Variants in POLE observed in about 807,000 individuals in gnomAD.
POLE encodes DNA polymerase epsilon catalytic subunit A.
POLE carries 188 observed loss-of-function variants against 279.2 expected under a neutral mutation model. The ratio of observed to expected loss-of-function variants is 0.67; its 90% confidence interval spans 0.60 to 0.76. The LOEUF (loss-of-function observed/expected upper bound fraction) is 0.76, where lower values mean the gene tolerates loss of function less well. Among genes scored for constraint, POLE ranks in the 30% least tolerant of loss-of-function variants. POLE has a pLI of 0.00. For synonymous variants in POLE, 1,214 were observed against 1,172.5 expected (o/e 1.04, Z -0.72); for missense variants, 2,703 against 3,016.7 (o/e 0.90, Z 2.44).
In POLE at chr12:132,668,681, T is replaced by A. The variant is rs771248462; in HGVS notation, c.1980A>T (p.Gly660=). 1.9e-6 allele frequency: 3 copies of A among 1,613,992 alleles called. No individual in the cohort carries two copies. Among genetic ancestry groups the A allele is most frequent in the Non-Finnish European group, 1.7e-6 (2 of 1,179,926 alleles). Residue 660 remains glycine, a synonymous_variant, in exon 18 of 49, where the codon GGA becomes GGT. Transcript: ENST00000320574. This position sits in a 1 kb window ranked among gnomAD's most constrained non-coding sequence, Gnocchi z 4.0. ...AGGCCATCTTCCGCTGGCAGTTTGC[T>A]CCAGGCTTATTGAAGTCACAGGCAG... ...TCAACDFNKP[G]ANCQRKMAWQ...
In POLE at chr12:132,639,339, C is replaced by T; in HGVS notation, c.5379-41G>A. The T allele has an allele frequency of 1.3e-6, 2 of 1,597,074 alleles. No homozygotes were observed. Among genetic ancestry groups the T allele is most frequent in the Non-Finnish European group, 1.7e-6 (2 of 1,167,060 alleles). On this transcript the variant is annotated intron_variant, in intron 39 of 48. Coordinates refer to ENST00000320574, the MANE Select transcript of POLE (RefSeq NM_006231.4). The surrounding 1 kb of genome is among the most constrained non-coding windows in gnomAD (Gnocchi z 4.7). ...CACGACACCCTCGTACCCTCAGCCT[C>T]CCACGCTGCTGCCACGCGGGACGCT... is the stretch of plus-strand genomic sequence containing the variant.
chr12:132,668,776 G>C lies in POLE; in HGVS notation c.1923+35C>G. On this transcript the variant is annotated intron_variant, in intron 17 of 48. Transcript: ENST00000320574. The surrounding 1 kb of genome is among the most constrained non-coding windows in gnomAD (Gnocchi z 4.0). ...GAAAGCACTTAGGGCTGGGCAGAGA[G>C]AGCTCCGACTCTGACACGGGAAGTA... The C allele has an allele frequency of 1.2e-6, 2 of 1,613,864 alleles. No homozygotes were observed. Among genetic ancestry groups the C allele is most frequent in the Non-Finnish European group, 8.5e-7 (1 of 1,179,710 alleles).
Position 132,672,264 on chromosome 12 carries a change from AGGGCGTG to A in POLE, c.1738_1744del (p.His580LeufsTer29), listed in dbSNP as rs2042945374. On this transcript the variant is annotated frameshift_variant, in exon 16 of 49. Coordinates refer to ENST00000320574, the MANE Select transcript of POLE (RefSeq NM_006231.4). LOFTEE classifies it high-confidence loss of function. Reference sequence around the variant, plus strand: ...CACAGGCACTTTCTCCTCTTCCTCAAGGGCGTGGCGCAAGGTCTTCTCAACCCGCTGC... The same window carrying A: ...CACAGGCACTTTCTCCTCTTCCTCAAGCGCAAGGTCTTCTCAACCCGCTGC... 6.2e-7 allele frequency: 1 copy of A among 1,614,168 alleles called. No individual in the cohort carries two copies. The highest frequency in any genetic ancestry group is 8.5e-7 in the Non-Finnish European group (1 of 1,180,028).
In POLE at chr12:132,677,429, A is replaced by G. The variant is rs774730133; in HGVS notation, c.735T>C (p.Asn245=). 3.7e-6 allele frequency: 6 copies of G among 1,614,030 alleles called. No homozygotes were observed. The highest frequency in any genetic ancestry group is 4.2e-6 in the Non-Finnish European group (5 of 1,179,882). ...GAAAAGCATTTCCTCGGTATCTGAC[A>G]TTGTACCAATGAGCCTGCAAAACAC... ...DLKIHVAHWY[N]VRYRGNAFPV... The change falls in exon 8 of 49, where the codon AAT becomes AAC. Residue 245 remains asparagine, a synonymous_variant. Transcript: ENST00000320574.
intron 45 of POLE, among the ~76,000 whole-genome samples, chr12:132,628,601 C>T (rs1420949580): frequency 6.6e-6 from 1 of 150,824 alleles, no homozygotes; most frequent in Admixed American, 6.6e-5. Context: ...CAAGACCGCA[C>T]CACTGTATTC....
chr12:132,642,752 A>T, intron 36 of POLE, 23 bp from the exon 37 acceptor site: 1 of 1,613,472 alleles, frequency 6.2e-7, no homozygotes, highest in Non-Finnish European at 8.5e-7. Context: ...AAAATGGAAG[A>T]AAAGACCTGG....
At chr12:132,676,328 A>G in intron 9 of POLE, 124 bp from the exon 10 acceptor site, 1 of 756,950 alleles carries the variant, frequency 1.3e-6, no homozygotes, top group South Asian at 1.5e-5. Context: ...GCAATGTGAA[A>G]GTGCTTTAAG....
intron 29 of POLE, among the ~76,000 whole-genome samples, chr12:132,653,638 T>C (rs2042471225): frequency 6.6e-6 from 1 of 152,240 alleles, no homozygotes; most frequent in African/African-American, 2.4e-5. Flanking sequence ...AATAAGTTGA[T>C]GTCTCCCTTT....
intron 39 of POLE, chr12:132,641,369 C>T (rs1041423138): frequency 8.0e-6 from 4 of 502,440 alleles, no homozygotes; most frequent in Non-Finnish European, 1.5e-5. Context: ...CCTTTGGTCA[C>T]ATCGAAAAGT....
chr12:132,625,961 TG>T, intron 46 of POLE, 155 bp downstream of exon 46: 2 of 1,076,124 alleles, frequency 1.9e-6, no homozygotes, highest in Non-Finnish European at 2.7e-6. Context: ...GAACATGGTG[TG>T]GGGAGGCCTG....
intron 29 of POLE, among the ~76,000 whole-genome samples, chr12:132,656,410 G>C (rs1351598486): frequency 1.3e-5 from 2 of 151,744 alleles, no homozygotes; most frequent in Non-Finnish European, 2.9e-5. Context: ...GCCCAGGGGA[G>C]TGCAGTGGCG....
At chr12:132,681,331 G>A (rs2136035455) in intron 1 of POLE, 52 bp from the exon 2 acceptor site, 1 of 1,572,798 alleles carries the variant, frequency 6.4e-7, no homozygotes, top group Middle Eastern at 1.7e-4. Flanking sequence ...ACCTGCTGCT[G>A]CTTCTTTTTT....
intron 8 of POLE, among the ~76,000 whole-genome samples, chr12:132,677,026 C>A (rs1194487572): frequency 6.6e-6 from 1 of 152,188 alleles, no homozygotes; most frequent in Non-Finnish European, 1.5e-5. Flanking sequence ...TTTCCCAACA[C>A]CACAAAGTCA....
At chr12:132,673,375 G>A (rs774436771) in intron 13 of POLE, 98 bp from the exon 14 acceptor site, 91 of 1,147,066 alleles carry the variant, frequency 7.9e-5, no homozygotes, top group Non-Finnish European at 1.1e-4. Context: ...CCAGCCTGCC[G>A]CACACACAGT....
chr12:132,656,434 C>T (rs140499901), intron 29 of POLE, among the ~76,000 whole-genome samples: 230 of 152,060 alleles, frequency 1.5e-3, no homozygotes, highest in African/African-American at 5.4e-3. Context: ...TCTCGGCTCA[C>T]TGCAAGCTCC....
intron 31 of POLE, 29 bp downstream of exon 31, chr12:132,649,277 C>T (rs760764807): frequency 1.9e-6 from 3 of 1,602,968 alleles, no homozygotes; most frequent in Non-Finnish European, 2.6e-6. Flanking sequence ...AGCAGAGCCA[C>T]TGCCCTCCCC....
At chr12:132,662,994 C>T (rs560206489) in intron 23 of POLE, among the ~76,000 whole-genome samples, 3 of 152,330 alleles carry the variant, frequency 2.0e-5, no homozygotes, top group South Asian at 2.1e-4. Flanking sequence ...AACAGACAAT[C>T]GCCAGAGAAA....
chr12:132,649,030 G>T lies in POLE; in HGVS notation c.4048C>A (p.Leu1350Ile). 1.2e-6 allele frequency: 2 copies of T among 1,613,710 alleles called. No individual in the cohort carries two copies. The highest frequency in any genetic ancestry group is 1.7e-6 in the Non-Finnish European group (2 of 1,179,996). The part of the protein sequence containing the change: ...SQAGLFRLWA[L>I]VGSDLHCIRL... ...ATGCAGTGCAAGTCACTGCCAACGA[G>T]CGCCCACAGCCTGAACAGGCCGGCC... Residue 1350 changes from leucine to isoleucine, a missense_variant, in exon 32 of 49, where the codon CTC (leucine) becomes ATC (isoleucine). Coordinates refer to ENST00000320574, the MANE Select transcript of POLE (RefSeq NM_006231.4).
intron 3 of POLE, 71 bp downstream of exon 3, chr12:132,680,536 T>C: frequency 8.0e-7 from 1 of 1,243,882 alleles, no homozygotes; most frequent in South Asian, 1.2e-5. Context: ...TCCCATGCCC[T>C]CCCTGACAGT....
Sources: allele counts gnomAD v4.1 joint callset (sites outside exome capture counted in the v4.1 genomes callset), GRCh38; gene constraint gnomAD v4.1.1; non-coding constraint Gnocchi (gnomAD v3.1); transcripts MANE v1.5; gene names NCBI Gene and HGNC (gene_info 2026-07-23, HGNC 2026-07-21).